LRRC40: variants seen among roughly 807,000 people sequenced by gnomAD.
The protein encoded by LRRC40 is leucine rich repeat containing 40, also known as leucine-rich repeat-containing protein 40.
LRRC40 carries 76 observed loss-of-function variants against 72.8 expected under a neutral mutation model. The ratio of observed to expected loss-of-function variants is 1.04; its 90% CI spans 0.87 to 1.26. LRRC40 has a LOEUF of 1.26. Among genes scored for constraint, LRRC40 ranks in the 50% most tolerant of loss-of-function variants. The probability of loss-of-function intolerance (pLI) is 0.00; values close to 1 mark genes in which losing one functional copy is unlikely to be tolerated. For missense variants in LRRC40, 684 were observed against 698.9 expected (o/e 0.98, Z 0.24); for synonymous variants, 243 against 254.2 (o/e 0.96, Z 0.42).
chr1:70,190,979 T>G (rs1370365230), intron 1 of LRRC40, among the ~76,000 whole-genome samples: 1 of 151,892 alleles, frequency 6.6e-6, no homozygotes, highest in African/African-American at 2.4e-5. Flanking sequence ...TCATTGTTAT[T>G]TTGGTATGTA....
chr1:70,182,955 C>G lies in LRRC40; in HGVS notation c.538-1746G>C, dbSNP rs72929203. On this transcript the variant is annotated intron_variant, in intron 4 of 14. Transcript: ENST00000370952. ...TTTATTTTAAATTTTCCTTTCAGCT[C>G]TCAACTCCAAATGGACTCTTTTAAA... Among the ~76,000 whole-genome samples, 1,068 of 152,156 alleles carry G rather than the reference C, an allele frequency of 7.0e-3. 11 individuals carry two copies. Among genetic ancestry groups the G allele is most frequent in the African/African-American group, 0.024 (989 of 41,532 alleles).
intron 10 of LRRC40, among the ~76,000 whole-genome samples, chr1:70,158,486 T>G (rs1182613961): frequency 6.6e-6 from 1 of 152,176 alleles, no homozygotes; most frequent in Non-Finnish European, 1.5e-5. Flanking sequence ...TGCTTATGTT[T>G]TTGTTGTTGT....
At position 70,163,748 on chromosome 1, in the gene LRRC40, T is replaced by A. The variant is rs370961557; in HGVS notation, c.1112-4310A>T. 2.2e-4 allele frequency among the ~76,000 whole-genome samples: 34 copies of A among 152,336 alleles called. No homozygotes were observed. In the South Asian group the frequency reaches 6.0e-3, roughly 27 times the overall value. On this transcript the variant is annotated intron_variant, in intron 9 of 14. Coordinates refer to ENST00000370952, the MANE Select transcript of LRRC40 (RefSeq NM_017768.5). ...AGGTAGCATAGCTAGATGATCCTGG[T>A]GACGGAGCAAGAAATTAAACTCAGA...
chr1:70,168,043 CAG>C (rs1361127502), intron 9 of LRRC40, among the ~76,000 whole-genome samples: 3 of 152,124 alleles, frequency 2.0e-5, no homozygotes, highest in Non-Finnish European at 4.4e-5. Context: ...TCTTCTAGGT[CAG>C]AGAGGCAGAA....
chr1:70,149,024 A>C (rs1039829524), intron 13 of LRRC40, among the ~76,000 whole-genome samples: 1 of 152,174 alleles, frequency 6.6e-6, no homozygotes, highest in Non-Finnish European at 1.5e-5. Flanking sequence ...ACTTCTTATG[A>C]AACATAATCA....
At chr1:70,150,093 A>AT (rs1166903642) in intron 13 of LRRC40, among the ~76,000 whole-genome samples, 1 of 151,840 alleles carries the variant, frequency 6.6e-6, no homozygotes, top group Non-Finnish European at 1.5e-5. Flanking sequence ...TAATTTTTGT[A>AT]TTTTTAGTAG....
intron 13 of LRRC40, among the ~76,000 whole-genome samples, chr1:70,150,100 G>C (rs1370342124): frequency 3.9e-5 from 6 of 151,958 alleles, no homozygotes; most frequent in Non-Finnish European, 8.8e-5. Context: ...TGTATTTTTA[G>C]TAGAGATGGA....
intron 9 of LRRC40, among the ~76,000 whole-genome samples, chr1:70,169,100 G>A (rs1227495405): frequency 6.6e-6 from 1 of 152,108 alleles, no homozygotes; most frequent in Non-Finnish European, 1.5e-5. Context: ...TGTTCCAAGA[G>A]ACAGCTAATC....
chr1:70,201,435 G>A (rs1203248353), intron 1 of LRRC40, among the ~76,000 whole-genome samples: 4 of 151,962 alleles, frequency 2.6e-5, no homozygotes, highest in Non-Finnish European at 4.4e-5. Context: ...TTTAAGAATC[G>A]CAACCAAAAA....
chr1:70,191,838 T>C (rs1668507421), intron 1 of LRRC40, among the ~76,000 whole-genome samples: 1 of 152,190 alleles, frequency 6.6e-6, no homozygotes, highest in South Asian at 2.1e-4. Context: ...TGGAGTTGGA[T>C]ATTATAAAAA....
intron 11 of LRRC40, among the ~76,000 whole-genome samples, chr1:70,154,641 T>G (rs1030323479): frequency 6.6e-6 from 1 of 152,184 alleles, no homozygotes; most frequent in Non-Finnish European, 1.5e-5. Context: ...AGAAAGCAAA[T>G]TATATTTTGT....
chr1:70,156,785 G>C (rs1455647056), intron 10 of LRRC40, among the ~76,000 whole-genome samples: 1 of 152,154 alleles, frequency 6.6e-6, no homozygotes, highest in Non-Finnish European at 1.5e-5. Flanking sequence ...CAGAGGGCAG[G>C]TCAGAGAGGG....
intron 12 of LRRC40, 109 bp from the exon 13 acceptor site, chr1:70,151,314 A>C: frequency 3.1e-6 from 2 of 642,230 alleles, no homozygotes; most frequent in South Asian, 1.9e-5. Flanking sequence ...TCAGTTTGTC[A>C]ATCCTTGATC....
chr1:70,196,270 C>T (rs1668607805), intron 1 of LRRC40, among the ~76,000 whole-genome samples: 1 of 152,108 alleles, frequency 6.6e-6, no homozygotes, highest in Non-Finnish European at 1.5e-5. Flanking sequence ...AAACTGCTGG[C>T]TGGGCGTGGT....
intron 13 of LRRC40, among the ~76,000 whole-genome samples, chr1:70,149,084 G>A (rs1442740044): frequency 6.6e-6 from 1 of 152,108 alleles, no homozygotes; most frequent in East Asian, 1.9e-4. Flanking sequence ...CTTTGACTGA[G>A]GCTTCTAAAA....
At chr1:70,195,694 C>T (rs547893062) in intron 1 of LRRC40, among the ~76,000 whole-genome samples, 12 of 152,260 alleles carry the variant, frequency 7.9e-5, no homozygotes, top group Middle Eastern at 6.8e-3. Context: ...AGAGCAGTGG[C>T]GCAGTCCTGG....
At chr1:70,194,943 G>C (rs1004657396) in intron 1 of LRRC40, among the ~76,000 whole-genome samples, 42 of 151,906 alleles carry the variant, frequency 2.8e-4, no homozygotes, top group African/African-American at 1.0e-3. Context: ...TTTCAACAAA[G>C]GTGCCAATAT....
At chr1:70,153,146 A>C (rs1667547912) in intron 11 of LRRC40, among the ~76,000 whole-genome samples, 1 of 152,110 alleles carries the variant, frequency 6.6e-6, no homozygotes, top group South Asian at 2.1e-4. Flanking sequence ...GGATTACTTG[A>C]GGTCAGGAGT....
At chr1:70,203,645 T>C (rs1487879682) in intron 1 of LRRC40, among the ~76,000 whole-genome samples, 1 of 152,212 alleles carries the variant, frequency 6.6e-6, no homozygotes, top group Non-Finnish European at 1.5e-5. Context: ...AGGCACTTTA[T>C]TTCATTTTAT....
Sources: allele counts gnomAD v4.1 joint callset (sites outside exome capture counted in the v4.1 genomes callset), GRCh38; gene constraint gnomAD v4.1.1; transcripts MANE v1.5; gene names NCBI Gene and HGNC (gene_info 2026-07-23, HGNC 2026-07-21).